The following COL8A1 variants were observed in gnomAD, a reference collection of about 807,000 sequenced individuals.
The protein encoded by COL8A1 is collagen type VIII alpha 1 chain.
In COL8A1, 21 loss-of-function variants were observed where a neutral mutation model predicts 42.7. That is an observed-to-expected ratio of 0.49 (90% CI 0.35 to 0.71). COL8A1 has a LOEUF of 0.71. Ranked by LOEUF, COL8A1 falls within the 30% of genes least tolerant of loss-of-function variation. The pLI is 0.01. For missense variants in COL8A1, 788 were observed against 962.4 expected (o/e 0.82, Z 2.40); for synonymous variants, 367 against 369.1 (o/e 0.99, Z 0.06).
chr3:99,690,515 G>C (rs1190094358), intron 1 of COL8A1, among the ~76,000 whole-genome samples: 2 of 152,060 alleles, frequency 1.3e-5, no homozygotes, highest in African/African-American at 4.8e-5. Context: ...AGAGGTACAG[G>C]CTCTCTTTTC....
Position 99,738,478 on chromosome 3 carries a change from G to A in COL8A1, c.-128-6419G>A, listed in dbSNP as rs185666294. Among the ~76,000 whole-genome samples, 10 of 152,152 alleles carry A rather than the reference G, an allele frequency of 6.6e-5. No homozygotes were observed. In the South Asian group the frequency reaches 8.3e-4, roughly 13 times the overall value. Reference sequence around the variant, plus strand: ...CTCAGCTGCAGGTCTGTTGGAATACGCTGCCGTGTGAGGTGTCAGTGTGCC... The same window carrying A: ...CTCAGCTGCAGGTCTGTTGGAATACACTGCCGTGTGAGGTGTCAGTGTGCC... On this transcript the variant is annotated intron_variant, in intron 1 of 3. Transcript: ENST00000652472.
At chr3:99,772,352 T>C (rs1033000413) in intron 2 of COL8A1, among the ~76,000 whole-genome samples, 2 of 152,186 alleles carry the variant, frequency 1.3e-5, no homozygotes, top group African/African-American at 4.8e-5. Flanking sequence ...CAAAGGATTC[T>C]TGGAGCGGTG....
intron 1 of COL8A1, among the ~76,000 whole-genome samples, chr3:99,710,676 CAT>C (rs1351580596): frequency 6.6e-6 from 1 of 152,186 alleles, no homozygotes; most frequent in Non-Finnish European, 1.5e-5. Flanking sequence ...GGTGTGCTAA[CAT>C]GTGGACCAGG....
chr3:99,670,309 A>T (rs1041864908), intron 1 of COL8A1, among the ~76,000 whole-genome samples: 1 of 152,076 alleles, frequency 6.6e-6, no homozygotes, highest in African/African-American at 2.4e-5. Flanking sequence ...AAATACATTG[A>T]ATAGAACTAC....
chr3:99,659,170 G>C (rs891351887), intron 1 of COL8A1, among the ~76,000 whole-genome samples: 1 of 152,206 alleles, frequency 6.6e-6, no homozygotes, highest in Non-Finnish European at 1.5e-5. Context: ...TGTAGTATGT[G>C]ACTCATGGAT....
chr3:99,678,054 C>T (rs1938754236), intron 1 of COL8A1: 1 of 152,138 alleles, frequency 6.6e-6, no homozygotes, highest in African/African-American at 2.4e-5. Context: ...CCCAACATCC[C>T]TACAAGGAAA....
At chr3:99,752,281 G>A (rs1394383636) in intron 2 of COL8A1, among the ~76,000 whole-genome samples, 1 of 152,074 alleles carries the variant, frequency 6.6e-6, no homozygotes, top group East Asian at 1.9e-4. Context: ...AATCATTTAA[G>A]AATTAAATCA....
chr3:99,776,224 A>C (rs1941689645), intron 2 of COL8A1, among the ~76,000 whole-genome samples: 1 of 152,226 alleles, frequency 6.6e-6, no homozygotes, highest in Non-Finnish European at 1.5e-5. Flanking sequence ...GATGGGACTC[A>C]GAAACCTGGG....
chr3:99,746,319 C>T (rs935650327), intron 2 of COL8A1, among the ~76,000 whole-genome samples: 9 of 152,098 alleles, frequency 5.9e-5, no homozygotes, highest in African/African-American at 2.2e-4. Flanking sequence ...AAAATACATG[C>T]TCATTGAAGC....
At chr3:99,680,990 A>T (rs1203309011) in intron 1 of COL8A1, among the ~76,000 whole-genome samples, 1 of 152,228 alleles carries the variant, frequency 6.6e-6, no homozygotes, top group Non-Finnish European at 1.5e-5. Context: ...AAATTAATTC[A>T]AGATGGATTG....
chr3:99,720,185 A>C (rs554242771), intron 1 of COL8A1, among the ~76,000 whole-genome samples: 84 of 152,314 alleles, frequency 5.5e-4, no homozygotes, highest in African/African-American at 2.0e-3. Flanking sequence ...AAAATTTCTC[A>C]CTTGGCTACC....
At chr3:99,733,233 G>A (rs968914705) in intron 1 of COL8A1, among the ~76,000 whole-genome samples, 1 of 149,280 alleles carries the variant, frequency 6.7e-6, no homozygotes, top group Admixed American at 6.7e-5. Flanking sequence ...GTGCCATGCT[G>A]GTGTGCTGCA....
chr3:99,729,346 C>A (rs964161400), intron 1 of COL8A1, among the ~76,000 whole-genome samples: 4 of 151,994 alleles, frequency 2.6e-5, no homozygotes, highest in African/African-American at 4.8e-5. Flanking sequence ...AGATTTCATA[C>A]AAACTTCAGT....
At chr3:99,761,933 C>T (rs1326190309) in intron 2 of COL8A1, among the ~76,000 whole-genome samples, 1 of 152,094 alleles carries the variant, frequency 6.6e-6, no homozygotes, top group African/African-American at 2.4e-5. Context: ...ATTAAGAATT[C>T]CAGCTATTCC....
chr3:99,669,203 G>A (rs1938469165), intron 1 of COL8A1, among the ~76,000 whole-genome samples: 1 of 148,218 alleles, frequency 6.7e-6, no homozygotes, highest in Non-Finnish European at 1.5e-5. Flanking sequence ...ATAATTGGGG[G>A]ATATGTTAGA....
chr3:99,760,057 A>G (rs535080083), intron 2 of COL8A1, among the ~76,000 whole-genome samples: 22 of 152,232 alleles, frequency 1.4e-4, no homozygotes, highest in Non-Finnish European at 2.1e-4. Flanking sequence ...AATTTTTACC[A>G]CTTCTACTAA....
chr3:99,745,814 A>G (rs190745375), intron 2 of COL8A1, among the ~76,000 whole-genome samples: 72 of 146,542 alleles, frequency 4.9e-4, no homozygotes, highest in Admixed American at 4.4e-3. Context: ...GTACATCATT[A>G]ACTTTCAAAC....
intron 2 of COL8A1, among the ~76,000 whole-genome samples, chr3:99,765,717 C>T (rs1327942360): frequency 6.6e-6 from 1 of 152,100 alleles, no homozygotes; most frequent in African/African-American, 2.4e-5. Flanking sequence ...CTCAATTGCT[C>T]CTTTAACTCC....
intron 1 of COL8A1, among the ~76,000 whole-genome samples, chr3:99,654,010 G>A (rs1171733575): frequency 6.6e-6 from 1 of 152,184 alleles, no homozygotes; most frequent in East Asian, 1.9e-4. Context: ...AAAGTAGGGA[G>A]GCGGACAGTG....
Sources: gnomAD v4.1 joint callset for allele counts (sites outside exome capture counted in the v4.1 genomes callset) on GRCh38, gnomAD v4.1.1 for gene constraint, MANE v1.5 for transcripts, NCBI Gene and HGNC (gene_info 2026-07-23, HGNC 2026-07-21) for gene names.